The following AUTS2 variants were observed in gnomAD, a reference collection of about 807,000 sequenced individuals.
The protein encoded by AUTS2 is activator of transcription and developmental regulator AUTS2.
In AUTS2, 17 loss-of-function variants were observed where a neutral mutation model predicts 112.4. That is an observed-to-expected ratio of 0.15 (90% CI 0.10 to 0.23). The LOEUF (loss-of-function observed/expected upper bound fraction) is 0.23, where lower values mean the gene tolerates loss of function less well. Ranked by LOEUF, AUTS2 falls within the 10% of genes least tolerant of loss-of-function variation. AUTS2 has a pLI of 1.00. For missense variants in AUTS2, 1,510 were observed against 1,701.6 expected, an observed-to-expected ratio of 0.89 and a Z score of 1.98; for synonymous variants, 751 against 702.7, an observed-to-expected ratio of 1.07 and a Z score of -1.09.
chr7:70,207,676 A>T (rs1331561717), intron 4 of AUTS2, among the ~76,000 whole-genome samples: 1 of 152,154 alleles, frequency 6.6e-6, no homozygotes, highest in Non-Finnish European at 1.5e-5. Context: ...TAGATTATGC[A>T]TGTAAAGTAT....
At chr7:69,894,401 T>A (rs1319388407) in intron 1 of AUTS2, among the ~76,000 whole-genome samples, 2 of 152,002 alleles carry the variant, frequency 1.3e-5, no homozygotes, top group Admixed American at 1.3e-4. Flanking sequence ...ATTAAATTGA[T>A]GTAAAATAGA....
intron 1 of AUTS2, among the ~76,000 whole-genome samples, chr7:69,611,790 C>T (rs946992338): frequency 1.3e-5 from 2 of 150,988 alleles, no homozygotes; most frequent in African/African-American, 4.9e-5. Context: ...ATTAGCCGGG[C>T]GCGGTGGCAG....
chr7:70,784,914 T>C (rs1405554407), intron 15 of AUTS2, 28 bp from the exon 16 acceptor site: 1 of 1,612,392 alleles, frequency 6.2e-7, no homozygotes, highest in Non-Finnish European at 8.5e-7. Context: ...TTTTGTAAAC[T>C]CTGGTTTCGT....
chr7:70,290,587 C>A, intron 4 of AUTS2: 1 of 1,443,380 alleles, frequency 6.9e-7, no homozygotes, highest in South Asian at 1.5e-5. Context: ...GTTAGCGTGA[C>A]CCCAATGAGA....
At chr7:70,134,160 G>A (rs1806419463) in intron 3 of AUTS2, among the ~76,000 whole-genome samples, 1 of 152,104 alleles carries the variant, frequency 6.6e-6, no homozygotes, top group South Asian at 2.1e-4. Flanking sequence ...AAACTGAGTA[G>A]CTTGAGACCA....
chr7:70,509,576 G>C (rs540351231), intron 5 of AUTS2, among the ~76,000 whole-genome samples: 1 of 152,302 alleles, frequency 6.6e-6, no homozygotes, highest in South Asian at 2.1e-4. Flanking sequence ...AGAATGAGCT[G>C]CTGCCTGTCT....
chr7:70,639,161 G>A (rs753682773), intron 5 of AUTS2, among the ~76,000 whole-genome samples: 13 of 152,026 alleles, frequency 8.6e-5, no homozygotes, highest in Non-Finnish European at 1.8e-4. Flanking sequence ...ACCACTCCCC[G>A]CTGCCGCCGC....
chr7:70,288,899 A>C (rs2129611627), intron 4 of AUTS2, among the ~76,000 whole-genome samples: 1 of 152,314 alleles, frequency 6.6e-6, no homozygotes, highest in South Asian at 2.1e-4. Context: ...CATTTATACT[A>C]AGCGTAATAC....
intron 4 of AUTS2, among the ~76,000 whole-genome samples, chr7:70,149,816 G>T (rs114405323): frequency 8.6e-4 from 131 of 152,086 alleles, no homozygotes; most frequent in Non-Finnish European, 1.6e-3. Context: ...TGGAAATTAT[G>T]CTCAAGCCAA....
Position 69,963,809 on chromosome 7 carries a change from G to T in AUTS2, c.522+64311G>T, listed in dbSNP as rs1797524730. ...TTGGCATGGCTGGGATTGGAACCAG[G>T]GGCCTTCAGTCTTCAAAGCTCTTAC... is the stretch of plus-strand genomic sequence containing the variant. On this transcript the variant is annotated intron_variant, in intron 2 of 18. Transcript: ENST00000342771. 2.0e-5 allele frequency among the ~76,000 whole-genome samples: 3 copies of T among 152,172 alleles called. No individual in the cohort carries two copies. In the South Asian group the frequency reaches 6.2e-4, roughly 32 times the overall value.
At chr7:70,558,547 A>T (rs555991014) in intron 5 of AUTS2, among the ~76,000 whole-genome samples, 1 of 152,314 alleles carries the variant, frequency 6.6e-6, no homozygotes, top group Non-Finnish European at 1.5e-5. Flanking sequence ...GCTCGAGGTA[A>T]CCAAGTGTGG....
In AUTS2 at chr7:70,488,770, G is replaced by A. The variant is rs372593999; in HGVS notation, c.690+52989G>A. On this transcript the variant is annotated intron_variant, in intron 5 of 18. Transcript: ENST00000342771. Reference sequence around the variant, plus strand: ...TCCTAAATAGCCTAAGGGAAGACGCGTATCCCTTCAGGGAAGAAGGAAGCA... The same window carrying A: ...TCCTAAATAGCCTAAGGGAAGACGCATATCCCTTCAGGGAAGAAGGAAGCA... 5.9e-5 allele frequency among the ~76,000 whole-genome samples: 9 copies of A among 152,196 alleles called. No homozygotes were observed. The East Asian group carries it at 7.7e-4, about 13-fold the overall frequency.
chr7:69,806,625 C>T (rs774631368), intron 1 of AUTS2, among the ~76,000 whole-genome samples: 5 of 152,122 alleles, frequency 3.3e-5, no homozygotes, highest in Non-Finnish European at 5.9e-5. Flanking sequence ...TGCACTACCA[C>T]GCCTGGCTAA....
intron 1 of AUTS2, among the ~76,000 whole-genome samples, chr7:69,853,261 A>G (rs529308444): frequency 1.2e-4 from 18 of 152,010 alleles, no homozygotes; most frequent in African/African-American, 4.1e-4. Flanking sequence ...CCTTTTGTCT[A>G]TTTCTCTTTT....
At chr7:69,796,145 C>T (rs1187950801) in intron 1 of AUTS2, among the ~76,000 whole-genome samples, 2 of 152,124 alleles carry the variant, frequency 1.3e-5, no homozygotes, top group Non-Finnish European at 1.5e-5. Flanking sequence ...AGTTCCTTTT[C>T]GCATCTTCAG....
At chr7:70,018,638 T>C (rs2129555017) in intron 2 of AUTS2, among the ~76,000 whole-genome samples, 1 of 152,342 alleles carries the variant, frequency 6.6e-6, no homozygotes, top group Non-Finnish European at 1.5e-5. Flanking sequence ...CAAGTAGTGC[T>C]CAATAAATTT....
At chr7:69,869,527 C>CAT (rs34759946) in intron 1 of AUTS2, among the ~76,000 whole-genome samples, 19,712 of 148,598 alleles carry the variant, frequency 0.13, 1,502 homozygotes, top group African/African-American at 0.22. Flanking sequence ...GGTCAAGGAT[C>CAT]ATATATATAT....
rs539097459 is a variant in AUTS2, at chr7:70,306,027, A to G, written c.661-129725A>G. On this transcript the variant is annotated intron_variant, in intron 4 of 18. Transcript: ENST00000342771. Reference sequence around the variant, plus strand: ...AAACTTAAGCTGATGTCAAAGTCAAAATAAAATGTAGAGACAAATCTCTAA... The same window carrying G: ...AAACTTAAGCTGATGTCAAAGTCAAGATAAAATGTAGAGACAAATCTCTAA... Among the ~76,000 whole-genome samples, 8 of 152,338 alleles carry G rather than the reference A, an allele frequency of 5.3e-5. No homozygotes were observed. In the East Asian group the frequency reaches 1.3e-3, roughly 26 times the overall value.
chr7:70,428,386 CA>C (rs1357197892), intron 4 of AUTS2, among the ~76,000 whole-genome samples: 1 of 152,170 alleles, frequency 6.6e-6, no homozygotes. Context: ...TGTTTTTAGT[CA>C]CCATGCTGCT....
Sources: gnomAD v4.1 joint callset for allele counts (sites outside exome capture counted in the v4.1 genomes callset) on GRCh38, gnomAD v4.1.1 for gene constraint, MANE v1.5 for transcripts, NCBI Gene and HGNC (gene_info 2026-07-23, HGNC 2026-07-21) for gene names.